The following ROBO1 variants were observed in gnomAD, a reference collection of about 807,000 sequenced individuals.
ROBO1 encodes the protein roundabout guidance receptor 1.
A neutral mutation model predicts 195.9 loss-of-function variants in ROBO1; 149 were observed. That is an observed-to-expected ratio of 0.76 (90% confidence interval 0.67 to 0.87). The LOEUF is 0.87. Ranked by LOEUF, ROBO1 falls within the 40% of genes least tolerant of loss-of-function variation. ROBO1 has a pLI of 0.00. For synonymous variants in ROBO1, 816 were observed against 733.2 expected (o/e 1.11, Z -1.82); for missense variants, 1,933 against 2,068.3 (o/e 0.93, Z 1.27).
At chr3:79,737,770 G>A (rs1428937541) in intron 1 of ROBO1, among the ~76,000 whole-genome samples, 1 of 152,144 alleles carries the variant, frequency 6.6e-6, no homozygotes, top group Non-Finnish European at 1.5e-5. Context: ...CTCATGACAA[G>A]GCTGTCAGTG....
intron 2 of ROBO1, among the ~76,000 whole-genome samples, chr3:79,529,374 G>A (rs1248958584): frequency 6.6e-6 from 1 of 152,138 alleles, no homozygotes; most frequent in African/African-American, 2.4e-5. Flanking sequence ...AGTAGTCCCA[G>A]CTATTGGGGA....
At chr3:79,441,653 C>T (rs4513416) in intron 2 of ROBO1, among the ~76,000 whole-genome samples, 53,447 of 151,860 alleles carry the variant, frequency 0.35, 10,349 homozygotes, top group Admixed American at 0.49. Flanking sequence ...TCAGAAAAAG[C>T]AATTGGTCAT....
At chr3:78,999,881 T>C (rs750389313) in intron 3 of ROBO1, among the ~76,000 whole-genome samples, 2 of 152,108 alleles carry the variant, frequency 1.3e-5, no homozygotes, top group Non-Finnish European at 2.9e-5. Context: ...GCAAAACACA[T>C]AGAATATTCA....
In ROBO1 at chr3:78,898,625, G is replaced by A. The variant is rs533582454; in HGVS notation, c.499+39976C>T. Among the ~76,000 whole-genome samples, 6 of 151,636 alleles carry A rather than the reference G, an allele frequency of 4.0e-5. No homozygotes were observed. The South Asian group carries it at 8.3e-4, about 21-fold the overall frequency. ...AGGATGGTCTCGATCTCCTGACCTC[G>A]TGATCTGCCCACCTCGGCCTCCCAA... On this transcript the variant is annotated intron_variant, in intron 4 of 30. Transcript: ENST00000464233.
intron 2 of ROBO1, among the ~76,000 whole-genome samples, chr3:79,573,783 G>C (rs936594154): frequency 5.3e-5 from 8 of 152,028 alleles, no homozygotes; most frequent in Non-Finnish European, 1.2e-4. Context: ...TAACTCTTCA[G>C]TAAATACTTG....
intron 3 of ROBO1, among the ~76,000 whole-genome samples, chr3:79,060,536 C>T (rs944960946): frequency 4.0e-5 from 6 of 151,780 alleles, no homozygotes; most frequent in Non-Finnish European, 8.8e-5. Flanking sequence ...TCAGACTGGT[C>T]GACACTTAGG....
At chr3:79,449,871 T>A (rs989821133) in intron 2 of ROBO1, among the ~76,000 whole-genome samples, 1 of 152,154 alleles carries the variant, frequency 6.6e-6, no homozygotes, top group African/African-American at 2.4e-5. Context: ...ACTCATGTCA[T>A]CTTCACAACA....
At chr3:79,645,785 G>T (rs923017281) in intron 1 of ROBO1, among the ~76,000 whole-genome samples, 1 of 152,018 alleles carries the variant, frequency 6.6e-6, no homozygotes, top group Non-Finnish European at 1.5e-5. Context: ...GACAGACCAA[G>T]AAAACAGAAT....
intron 2 of ROBO1, among the ~76,000 whole-genome samples, chr3:79,382,725 G>A (rs1212305750): frequency 1.3e-5 from 2 of 151,988 alleles, no homozygotes; most frequent in Admixed American, 6.6e-5. Flanking sequence ...TGAAGTTTTT[G>A]GCCAATAACT....
intron 4 of ROBO1, among the ~76,000 whole-genome samples, chr3:78,856,593 A>G (rs1311859821): frequency 6.6e-6 from 1 of 151,812 alleles, no homozygotes; most frequent in Admixed American, 6.6e-5. Context: ...GTCTATATCT[A>G]CTTATGTGCC....
chr3:78,652,434 A>C (rs1706726219), intron 18 of ROBO1, among the ~76,000 whole-genome samples: 2 of 152,136 alleles, frequency 1.3e-5, no homozygotes, highest in African/African-American at 2.4e-5. Flanking sequence ...TTTCTTCTCT[A>C]AGCTAGATAT....
intron 2 of ROBO1, among the ~76,000 whole-genome samples, chr3:79,327,064 A>G (rs889182925): frequency 2.5e-4 from 38 of 152,292 alleles, no homozygotes; most frequent in African/African-American, 8.7e-4. Flanking sequence ...CTTAACACAT[A>G]CTTATCACAA....
At chr3:79,159,923 C>T (rs1415525400) in intron 2 of ROBO1, among the ~76,000 whole-genome samples, 1 of 151,950 alleles carries the variant, frequency 6.6e-6, no homozygotes, top group Non-Finnish European at 1.5e-5. Flanking sequence ...TCTTGTTGTA[C>T]TTGAATCTGA....
At chr3:78,755,652 GT>G (rs2082910924) in intron 4 of ROBO1, among the ~76,000 whole-genome samples, 1 of 152,154 alleles carries the variant, frequency 6.6e-6, no homozygotes, top group Non-Finnish European at 1.5e-5. Context: ...AAGGGCTGAA[GT>G]TGACAGAGAA....
intron 1 of ROBO1, among the ~76,000 whole-genome samples, chr3:79,727,765 A>G (rs948918385): frequency 4.6e-5 from 7 of 152,196 alleles, no homozygotes; most frequent in Non-Finnish European, 7.4e-5. Context: ...CAGTGCAGTT[A>G]TAAAATATTG....
intron 2 of ROBO1, among the ~76,000 whole-genome samples, chr3:79,521,117 C>T (rs908976884): frequency 2.6e-5 from 4 of 152,142 alleles, no homozygotes; most frequent in Non-Finnish European, 5.9e-5. Context: ...AAGCAATCAT[C>T]TCCTCTCCCC....
At chr3:79,112,921 T>A (rs530313253) in intron 3 of ROBO1, among the ~76,000 whole-genome samples, 1 of 151,520 alleles carries the variant, frequency 6.6e-6, no homozygotes, top group African/African-American at 2.4e-5. Flanking sequence ...AATAAAAAAA[T>A]AAGTTTTAAA....
chr3:78,834,372 G>A (rs548691770), intron 4 of ROBO1, among the ~76,000 whole-genome samples: 1 of 151,090 alleles, frequency 6.6e-6, no homozygotes, highest in Admixed American at 6.6e-5. Flanking sequence ...AACAGGAAGT[G>A]AGAGTTTGAA....
At chr3:79,495,996 T>C (rs1460403635) in intron 2 of ROBO1, among the ~76,000 whole-genome samples, 2 of 152,024 alleles carry the variant, frequency 1.3e-5, no homozygotes, top group Non-Finnish European at 2.9e-5. Context: ...GTGGATCACC[T>C]GAGTTTAGGA....
Sources: gnomAD v4.1 joint callset for allele counts (sites outside exome capture counted in the v4.1 genomes callset) on GRCh38, gnomAD v4.1.1 for gene constraint, MANE v1.5 for transcripts, NCBI Gene and HGNC (gene_info 2026-07-23, HGNC 2026-07-21) for gene names.